RAD51B: variants seen among roughly 807,000 people sequenced by gnomAD.
RAD51B encodes the protein RAD51 paralog B, also known as DNA repair protein RAD51 homolog 2.
RAD51B carries 38 observed loss-of-function variants against 42.2 expected under a neutral mutation model. The observed-to-expected ratio is 0.90, with a 90% CI of 0.70 to 1.18. The LOEUF is 1.18. Ranked by LOEUF, RAD51B falls within the 50% of genes most tolerant of loss-of-function variation. RAD51B has a pLI of 0.00. For missense variants in RAD51B, 373 were observed against 400.7 expected, an observed-to-expected ratio of 0.93 and a Z score of 0.59; for synonymous variants, 154 against 145.2, an observed-to-expected ratio of 1.06 and a Z score of -0.43.
chr14:68,563,554 G>A, intron 10 of RAD51B: 1 of 985,432 alleles, frequency 1.0e-6, no homozygotes, highest in Non-Finnish European at 1.2e-6. Context: ...CTCCAGATTA[G>A]AACCAGCCAT....
At chr14:68,359,829 A>G (rs529424363) in intron 8 of RAD51B, among the ~76,000 whole-genome samples, 1 of 152,354 alleles carries the variant, frequency 6.6e-6, no homozygotes, top group Admixed American at 6.5e-5. Context: ...TTTGTTTGAA[A>G]TAGAGACTTT....
chr14:68,093,667 A>AT (rs529646520), intron 7 of RAD51B, among the ~76,000 whole-genome samples: 257 of 152,118 alleles, frequency 1.7e-3, no homozygotes, highest in African/African-American at 4.6e-3. Flanking sequence ...GGATTCATTG[A>AT]TTTTTTGAAG....
chr14:67,880,875 T>C (rs1463343857), intron 5 of RAD51B, among the ~76,000 whole-genome samples: 4 of 152,340 alleles, frequency 2.6e-5, no homozygotes, highest in East Asian at 1.9e-4. Context: ...TTCTATGTTG[T>C]TATGGAAAAA....
chr14:68,018,252 T>A (rs1450058911), intron 7 of RAD51B, among the ~76,000 whole-genome samples: 1 of 152,244 alleles, frequency 6.6e-6, no homozygotes. Context: ...ACACACTTCC[T>A]GTCCCCTTTT....
chr14:67,861,821 T>C lies in RAD51B; in HGVS notation c.316-3182T>C, dbSNP rs558396036. Among the ~76,000 whole-genome samples, 5 of 152,324 alleles carry C rather than the reference T, an allele frequency of 3.3e-5. No individual in the cohort carries two copies. The South Asian group carries it at 1.0e-3, about 32-fold the overall frequency. On this transcript the variant is annotated intron_variant, in intron 4 of 10. Coordinates refer to ENST00000471583, the MANE Select transcript of RAD51B (RefSeq NM_133510.4). ...AGGCTGGGATAAAAACACAGAATGT[T>C]TTTAAAATCACTGTTTGGAATATTT... is the stretch of plus-strand genomic sequence containing the variant.
At chr14:68,470,482 G>A in intron 10 of RAD51B, 1 of 484,578 alleles carries the variant, frequency 2.1e-6, no homozygotes, top group Non-Finnish European at 4.1e-6. Context: ...CTTCAGCTTT[G>A]GTATGATCTT....
intron 7 of RAD51B, among the ~76,000 whole-genome samples, chr14:67,894,826 C>T (rs774234651): frequency 3.9e-5 from 6 of 152,156 alleles, no homozygotes; most frequent in Admixed American, 6.5e-5. Context: ...CTTTCCCAGG[C>T]AGGAGTGCAA....
chr14:68,215,250 A>T (rs975176365), intron 7 of RAD51B, among the ~76,000 whole-genome samples: 3 of 152,160 alleles, frequency 2.0e-5, no homozygotes, highest in African/African-American at 7.2e-5. Flanking sequence ...CTCCCTTATC[A>T]TATAACTATC....
At chr14:68,139,012 A>C (rs546793789) in intron 7 of RAD51B, among the ~76,000 whole-genome samples, 1 of 151,938 alleles carries the variant, frequency 6.6e-6, no homozygotes, top group Non-Finnish European at 1.5e-5. Context: ...TTTTAAAAAA[A>C]TGTTTCTGCA....
chr14:68,311,946 T>C (rs181372296), intron 8 of RAD51B, among the ~76,000 whole-genome samples: 1 of 152,130 alleles, frequency 6.6e-6, no homozygotes, highest in African/African-American at 2.4e-5. Flanking sequence ...CCCAAACATA[T>C]TCTAATTCAG....
chr14:67,873,395 C>A (rs1228387454), intron 5 of RAD51B, among the ~76,000 whole-genome samples: 3 of 152,126 alleles, frequency 2.0e-5, no homozygotes, highest in Non-Finnish European at 4.4e-5. Flanking sequence ...GAGATACCAT[C>A]TCACACCAGT....
chr14:67,975,727 A>T (rs993363523), intron 7 of RAD51B, among the ~76,000 whole-genome samples: 2 of 152,236 alleles, frequency 1.3e-5, no homozygotes, highest in African/African-American at 4.8e-5. Flanking sequence ...TAGTTTGAAC[A>T]GTTGGCCCCC....
At position 68,170,584 on chromosome 14, in the gene RAD51B, T is replaced by G. The variant is rs902671794; in HGVS notation, c.757-121300T>G. Among the ~76,000 whole-genome samples, 28 of 152,362 alleles carry G rather than the reference T, an allele frequency of 1.8e-4. No individual in the cohort carries two copies. The Middle Eastern group carries it at 0.01, about 56-fold the overall frequency. On this transcript the variant is annotated intron_variant, in intron 7 of 10. Transcript: ENST00000471583. ...TACTGTTAACATTTTGTCATATTTC[T>G]TACTAGTCTTATTTTATACACATTT...
intron 7 of RAD51B, among the ~76,000 whole-genome samples, chr14:68,250,136 C>A (rs1275135925): frequency 6.6e-6 from 1 of 152,212 alleles, no homozygotes; most frequent in Non-Finnish European, 1.5e-5. Flanking sequence ...TTGGCTCCCA[C>A]TTTTGTATTT....
intron 4 of RAD51B, among the ~76,000 whole-genome samples, chr14:67,855,640 G>A (rs1162095243): frequency 6.6e-6 from 1 of 152,196 alleles, no homozygotes; most frequent in Non-Finnish European, 1.5e-5. Flanking sequence ...ATAAGCACGA[G>A]CCATGTAACA....
intron 7 of RAD51B, among the ~76,000 whole-genome samples, chr14:68,048,383 C>T (rs1259423444): frequency 6.6e-6 from 1 of 152,172 alleles, no homozygotes. Flanking sequence ...TTCTCCCGTT[C>T]TCTAGGTTGC....
At chr14:68,680,956 C>CA (rs976543519) in intron 11 of RAD51B, among the ~76,000 whole-genome samples, 49 of 151,710 alleles carry the variant, frequency 3.2e-4, no homozygotes, top group Admixed American at 2.4e-3. Flanking sequence ...TAAGCCAAGG[C>CA]AAAAAAATAA....
chr14:68,272,647 A>ATT (rs1566775526), intron 7 of RAD51B, among the ~76,000 whole-genome samples: 5 of 11,888 alleles, frequency 4.2e-4, no homozygotes, highest in African/African-American at 2.1e-3. Flanking sequence ...ATATATATAT[A>ATT]TATATATATA....
intron 7 of RAD51B, among the ~76,000 whole-genome samples, chr14:67,916,291 G>GT (rs200406685): frequency 0.016 from 2,362 of 150,658 alleles, 36 homozygotes; most frequent in African/African-American, 0.044. Context: ...TTTCATTTTT[G>GT]TTTTTTTTTG....
Sources: gnomAD v4.1 joint callset for allele counts (sites outside exome capture counted in the v4.1 genomes callset) on GRCh38, gnomAD v4.1.1 for gene constraint, MANE v1.5 for transcripts, NCBI Gene and HGNC (gene_info 2026-07-23, HGNC 2026-07-21) for gene names.